SLC44A5: variants seen among roughly 807,000 people sequenced by gnomAD.
The protein encoded by SLC44A5 is solute carrier family 44 member 5, also known as choline transporter-like protein 5.
A neutral mutation model predicts 101.8 loss-of-function variants in SLC44A5; 57 were observed. That is an observed-to-expected ratio of 0.56 (90% CI 0.45 to 0.70). The LOEUF is 0.70. SLC44A5 is among the 30% of genes least tolerant of loss of function. The pLI is 0.00. For missense variants in SLC44A5, 737 were observed against 853.1 expected, an observed-to-expected ratio of 0.86 and a Z score of 1.70; for synonymous variants, 281 against 290.9, an observed-to-expected ratio of 0.97 and a Z score of 0.35.
chr1:75,270,920 T>C (rs1651413607), intron 6 of SLC44A5, among the ~76,000 whole-genome samples: 2 of 152,176 alleles, frequency 1.3e-5, no homozygotes, highest in Non-Finnish European at 2.9e-5. Flanking sequence ...AACTTCTTGT[T>C]ACAAATGCCC....
intron 2 of SLC44A5, among the ~76,000 whole-genome samples, chr1:75,401,498 G>A (rs1662472079): frequency 6.6e-6 from 1 of 152,182 alleles, no homozygotes; most frequent in Non-Finnish European, 1.5e-5. Context: ...TTTGTATGAT[G>A]GTTGGCAGCC....
At chr1:75,471,184 T>C (rs1667089419) in intron 2 of SLC44A5, among the ~76,000 whole-genome samples, 1 of 152,114 alleles carries the variant, frequency 6.6e-6, no homozygotes, top group Admixed American at 6.6e-5. Flanking sequence ...TTTCATAAAA[T>C]TAATGGCTTG....
chr1:75,386,501 A>T (rs1411196906), intron 3 of SLC44A5, among the ~76,000 whole-genome samples: 3 of 152,216 alleles, frequency 2.0e-5, no homozygotes, highest in Admixed American at 1.3e-4. Flanking sequence ...CCAACTTACA[A>T]GGGATGTGAA....
intron 2 of SLC44A5, among the ~76,000 whole-genome samples, chr1:75,493,887 C>T (rs1383410813): frequency 2.0e-5 from 3 of 152,168 alleles, no homozygotes; most frequent in Non-Finnish European, 4.4e-5. Flanking sequence ...GAAATTCTCA[C>T]TTCAAAGCAG....
intron 13 of SLC44A5, among the ~76,000 whole-genome samples, chr1:75,223,686 T>C (rs1040847679): frequency 6.6e-6 from 1 of 152,186 alleles, no homozygotes; most frequent in Admixed American, 6.5e-5. Flanking sequence ...CATTCTATTA[T>C]TATATCACTG....
intron 2 of SLC44A5, among the ~76,000 whole-genome samples, chr1:75,477,230 C>T (rs1445712217): frequency 1.3e-5 from 2 of 152,152 alleles, no homozygotes; most frequent in Non-Finnish European, 2.9e-5. Flanking sequence ...ACAGAAAGGA[C>T]ATCCACGCCA....
intron 2 of SLC44A5, among the ~76,000 whole-genome samples, chr1:75,399,690 CA>C (rs1275333309): frequency 6.6e-6 from 1 of 151,948 alleles, no homozygotes; most frequent in Non-Finnish European, 1.5e-5. Flanking sequence ...CATGTAAAAG[CA>C]AAATCTCATT....
intron 4 of SLC44A5, among the ~76,000 whole-genome samples, chr1:75,306,829 G>T (rs1285481533): frequency 7.0e-6 from 1 of 142,454 alleles, no homozygotes; most frequent in African/African-American, 2.7e-5. Context: ...CCGCCTCCCG[G>T]GTTCACGCCA....
Position 75,202,688 on chromosome 1 carries a change from T to C in SLC44A5, c.*1039A>G, listed in dbSNP as rs564882369. 1 of 152,282 alleles carries C rather than the reference T, an allele frequency of 6.6e-6. No individual in the cohort carries two copies. Among genetic ancestry groups the C allele is most frequent in the South Asian group, 2.1e-4 (1 of 4,824 alleles). 9.4% of individuals were successfully genotyped at this position (152,282 alleles called of 1,614,324 possible). On this transcript the variant is annotated 3_prime_UTR_variant, in exon 24 of 24. Transcript: ENST00000370859. ...TAAATGATCATTTAAAAGGGAGCTATTCAGTACATGACATCTGTGAGCACC... is the reference window on the plus strand; with the variant it reads ...TAAATGATCATTTAAAAGGGAGCTACTCAGTACATGACATCTGTGAGCACC...
intron 2 of SLC44A5, among the ~76,000 whole-genome samples, chr1:75,453,856 T>C (rs1040672960): frequency 3.3e-5 from 5 of 151,888 alleles, no homozygotes; most frequent in African/African-American, 9.7e-5. Flanking sequence ...CAGGAAAAAA[T>C]TGAAATCCTG....
intron 2 of SLC44A5, among the ~76,000 whole-genome samples, chr1:75,448,726 A>ATG (rs1665728496): frequency 6.6e-6 from 1 of 152,182 alleles, no homozygotes; most frequent in Admixed American, 6.5e-5. Context: ...CTACCTTTAC[A>ATG]TTAGCCTTTG....
chr1:75,667,397 A>T, the SLC44A5 span, among the ~76,000 whole-genome samples: 1 of 152,186 alleles, frequency 6.6e-6, no homozygotes, highest in Non-Finnish European at 1.5e-5. Flanking sequence ...TTCAAGGAGA[A>T]CTACAAACCA....
intron 2 of SLC44A5, among the ~76,000 whole-genome samples, chr1:75,442,854 G>A (rs1047582968): frequency 3.3e-5 from 5 of 152,092 alleles, no homozygotes; most frequent in Non-Finnish European, 7.4e-5. Flanking sequence ...TGCTCTTGAT[G>A]CAATACTGTT....
chr1:75,533,289 G>C (rs1670821555), intron 2 of SLC44A5, among the ~76,000 whole-genome samples: 1 of 152,198 alleles, frequency 6.6e-6, no homozygotes, highest in African/African-American at 2.4e-5. Flanking sequence ...GAAAGAGTCT[G>C]TGTCATTCAT....
In SLC44A5 at chr1:75,485,435, C is replaced by T. The variant is rs546383197; in HGVS notation, c.13+56000G>A. Among the ~76,000 whole-genome samples the T allele has an allele frequency of 3.2e-4, 49 of 152,358 alleles. 1 individual carries two copies. The highest frequency in any genetic ancestry group is 1.1e-3 in the African/African-American group (47 of 41,588). On this transcript the variant is annotated intron_variant, in intron 2 of 23. Coordinates refer to ENST00000370859, the MANE Select transcript of SLC44A5 (RefSeq NM_001130058.2). The stretch of plus-strand genomic sequence containing the variant: ...TAAAGCATAGGAAGAGTGACCTTTG[C>T]TCCAGTTCCTGGTAAGTTTCTCCTC...
At chr1:75,359,011 C>A (rs1570767638) in intron 3 of SLC44A5, among the ~76,000 whole-genome samples, 1 of 152,072 alleles carries the variant, frequency 6.6e-6, no homozygotes, top group African/African-American at 2.4e-5. Context: ...CCCCTGCAAC[C>A]TCTGGTAACT....
At chr1:75,433,439 G>A (rs1249850) in intron 2 of SLC44A5, among the ~76,000 whole-genome samples, 90,770 of 151,878 alleles carry the variant, frequency 0.6, 28,051 homozygotes, top group East Asian at 0.96. Context: ...TCTCTTTCTT[G>A]AATTTTCTTA....
chr1:75,661,198 A>G, the SLC44A5 span, among the ~76,000 whole-genome samples: 1 of 152,002 alleles, frequency 6.6e-6, no homozygotes, highest in Non-Finnish European at 1.5e-5. Context: ...TTTATAGCTA[A>G]CTTATTTTTG....
At chr1:75,601,795 T>C (rs1207583283) in intron 1 of SLC44A5, among the ~76,000 whole-genome samples, 1 of 152,156 alleles carries the variant, frequency 6.6e-6, no homozygotes, top group East Asian at 1.9e-4. Flanking sequence ...AACGACATCA[T>C]CTAACCACCT....
Sources: gnomAD v4.1 joint callset for allele counts (sites outside exome capture counted in the v4.1 genomes callset) on GRCh38, gnomAD v4.1.1 for gene constraint, MANE v1.5 for transcripts, NCBI Gene and HGNC (gene_info 2026-07-23, HGNC 2026-07-21) for gene names.